CHD1L: variants seen among roughly 807,000 people sequenced by gnomAD.
CHD1L encodes the protein ATP-dependent chromatin remodeler CHD1L.
In CHD1L, 118 loss-of-function variants were observed where a neutral mutation model predicts 115.9. The observed-to-expected ratio is 1.02, with a 90% confidence interval of 0.88 to 1.19. CHD1L has a LOEUF of 1.19. CHD1L is among the 50% of genes most tolerant of loss of function. The pLI is 0.00. For missense variants in CHD1L, 1,179 were observed against 1,065.3 expected, an observed-to-expected ratio of 1.11 and a Z score of -1.49; for synonymous variants, 411 against 387.1, an observed-to-expected ratio of 1.06 and a Z score of -0.72.
In CHD1L at chr1:147,287,605, T is replaced by C. The variant is rs201215036; in HGVS notation, c.2222-30T>C. ...ATTGTGCACTGGACTTCACCTCCTA[T>C]AGATGAAAATTTTCTCTTTCTTCAA... On this transcript the variant is annotated intron_variant, in intron 18 of 22. Transcript: ENST00000369258. 2.2e-5 allele frequency: 34 copies of C among 1,558,154 alleles called. No individual in the cohort carries two copies. In the East Asian group the frequency reaches 7.2e-4, roughly 33 times the overall value.
intron 10 of CHD1L, 80 bp downstream of exon 10, chr1:147,268,958 A>T: frequency 9.4e-7 from 1 of 1,063,974 alleles, no homozygotes; most frequent in Non-Finnish European, 1.3e-6. Flanking sequence ...TGAGTTGTTC[A>T]GGCCAATTCC....
rs1348328085 is a variant in CHD1L at position 147,287,721 on chromosome 1, G to A, written c.2308G>A (p.Gly770Arg). 1 of 1,613,740 alleles carries A rather than the reference G, an allele frequency of 6.2e-7. No homozygotes were observed. Among genetic ancestry groups the A allele is most frequent in the Non-Finnish European group, 8.5e-7 (1 of 1,179,956 alleles). The change falls in exon 19 of 23, where the codon GGG (glycine) becomes AGG (arginine). Residue 770 changes from glycine (G) to arginine (R), a missense_variant. By Grantham distance (125) the Gly-to-Arg change is moderately radical. Transcript: ENST00000369258. Reference sequence around the variant, plus strand: ...GCCAAGAAAAATATATGAGCTGGCTGGGAAAATGAAAGGTAAGAAGCAAAG... The same window carrying A: ...GCCAAGAAAAATATATGAGCTGGCTAGGAAAATGAAAGGTAAGAAGCAAAG... Reference protein sequence around the residue: ...AEPRKIYELAGKMKDLSLGGV... With the variant: ...AEPRKIYELARKMKDLSLGGV...
chr1:147,210,476 G>A, the CHD1L span: 1 of 152,130 alleles, frequency 6.6e-6, no homozygotes, highest in Non-Finnish European at 1.5e-5. Flanking sequence ...TCTACAGAGG[G>A]ATAATTGTTT....
At chr1:147,229,479 C>T in the CHD1L span, among the ~76,000 whole-genome samples, 1 of 152,154 alleles carries the variant, frequency 6.6e-6, no homozygotes, top group Non-Finnish European at 1.5e-5. Context: ...TTAGGATTGA[C>T]TTGGCGATGC....
the CHD1L span, among the ~76,000 whole-genome samples, chr1:147,234,146 C>T: frequency 2.0e-5 from 3 of 152,194 alleles, no homozygotes; most frequent in African/African-American, 7.2e-5. Flanking sequence ...CATGAGCCTG[C>T]TCTTTTGACC....
chr1:147,181,806 A>G, the CHD1L span, among the ~76,000 whole-genome samples: 2 of 152,228 alleles, frequency 1.3e-5, no homozygotes, highest in Non-Finnish European at 2.9e-5. Context: ...ATGTTGGGCC[A>G]TGCATTTTAA....
Position 147,293,689 on chromosome 1 carries a change from A to G in CHD1L, c.2473A>G (p.Lys825Glu). ...GATGGCAGCCCTAGAAGAGGGCCTG[A>G]AGAAGATATTTTTAGCAGCAAAAAA... ...IKMAALEEGLKKIFLAAKKKK... is the reference protein window; with the variant it reads ...IKMAALEEGLEKIFLAAKKKK... Residue 825 changes from lysine (K) to glutamate (E), a missense_variant, in exon 21 of 23, where the codon AAG becomes GAG. Lys to Glu is a moderately conservative substitution (Grantham distance 56). Transcript: ENST00000369258. 2 of 1,613,956 alleles carry G rather than the reference A, an allele frequency of 1.2e-6. No individual in the cohort carries two copies. Among genetic ancestry groups the G allele is most frequent in the Non-Finnish European group, 1.7e-6 (2 of 1,179,894 alleles).
the CHD1L span, among the ~76,000 whole-genome samples, chr1:147,193,984 T>C: frequency 6.6e-6 from 1 of 152,116 alleles, no homozygotes; most frequent in Non-Finnish European, 1.5e-5. Context: ...GTATATTCCG[T>C]TGATTTGGGG....
chr1:147,275,955 T>C (rs1678275247), intron 13 of CHD1L, 149 bp from the exon 14 acceptor site: 1 of 711,462 alleles, frequency 1.4e-6, no homozygotes, highest in South Asian at 2.1e-5. Flanking sequence ...CTCTAACAAG[T>C]GCTCAGGACC....
the CHD1L span, among the ~76,000 whole-genome samples, chr1:147,222,973 C>G: frequency 1.2e-4 from 18 of 152,312 alleles, no homozygotes; most frequent in African/African-American, 4.3e-4. Flanking sequence ...TAATAACCAA[C>G]ATGTAACACT....
In CHD1L at chr1:147,271,585, G is replaced by A. The variant is rs188502401; in HGVS notation, c.1159+580G>A. Reference sequence around the variant, plus strand: ...GCTCCAGACCTTACAATTTAAAAAAGTAGTTCAGACCGGGTGTCTGAGTTC... The same window carrying A: ...GCTCCAGACCTTACAATTTAAAAAAATAGTTCAGACCGGGTGTCTGAGTTC... On this transcript the variant is annotated intron_variant, in intron 11 of 22. Transcript: ENST00000369258. 5.9e-4 allele frequency among the ~76,000 whole-genome samples: 89 copies of A among 152,022 alleles called. 1 individual carries two copies. In the East Asian group the frequency reaches 8.9e-3, roughly 15 times the overall value.
chr1:147,212,238 G>A, the CHD1L span, among the ~76,000 whole-genome samples: 1 of 152,216 alleles, frequency 6.6e-6, no homozygotes, highest in African/African-American at 2.4e-5. Context: ...TCACCATGTT[G>A]CCAACTGAGG....
intron 2 of CHD1L, among the ~76,000 whole-genome samples, 166 bp downstream of exon 2, chr1:147,252,901 C>A (rs1553937487): frequency 6.6e-6 from 1 of 152,242 alleles, no homozygotes; most frequent in African/African-American, 2.4e-5. Context: ...CCTGTACAGT[C>A]TTCTCTGCCT....
chr1:147,288,421 T>C (rs1684257075), intron 19 of CHD1L, among the ~76,000 whole-genome samples: 1 of 148,918 alleles, frequency 6.7e-6, no homozygotes, highest in South Asian at 2.1e-4. Context: ...AAGCCGGGCG[T>C]GGTGGCTCAC....
chr1:147,291,964 C>T (rs782574234), intron 20 of CHD1L, among the ~76,000 whole-genome samples: 13 of 151,732 alleles, frequency 8.6e-5, no homozygotes, highest in Admixed American at 1.3e-4. Context: ...ACATGAGGTA[C>T]GGGGGGTTGG....
chr1:147,203,803 A>G, the CHD1L span: 1 of 1,549,138 alleles, frequency 6.5e-7, no homozygotes, highest in Non-Finnish European at 8.9e-7. Flanking sequence ...TAGAGCCCCG[A>G]AGTACTATGG....
chr1:147,231,989 G>A, the CHD1L span, among the ~76,000 whole-genome samples: 1 of 152,256 alleles, frequency 6.6e-6, no homozygotes. Flanking sequence ...TACCTCAGTT[G>A]GAAATGCAAA....
At chr1:147,231,198 T>C in the CHD1L span, among the ~76,000 whole-genome samples, 1 of 152,222 alleles carries the variant, frequency 6.6e-6, no homozygotes, top group African/African-American at 2.4e-5. Flanking sequence ...GAGATTCTGG[T>C]ACACTGTGTC....
rs782152009 is a variant in CHD1L, at chr1:147,242,750, T to A, written c.47T>A (p.Phe16Tyr). 4 of 1,265,208 alleles carry A rather than the reference T, an allele frequency of 3.2e-6. No homozygotes were observed. The East Asian group carries it at 1.2e-4, about 38-fold the overall frequency. The allele number at this position is 1,265,208 out of a possible 1,614,324, so 78.4% of individuals were successfully genotyped here. The change falls in exon 1 of 23, where the codon TTC becomes TAC. Residue 16 changes from phenylalanine (F) to tyrosine (Y), a missense_variant. Coordinates refer to ENST00000369258, the MANE Select transcript of CHD1L (RefSeq NM_004284.6). ...AGCCGCGGGGGCCAAGCCCCTGGCTTCTTACTGCGGCTTCATACTGAGGGC... is the reference window on the plus strand; with the variant it reads ...AGCCGCGGGGGCCAAGCCCCTGGCTACTTACTGCGGCTTCATACTGAGGGC... ...ATSRGGQAPG[F>Y]LLRLHTEGRA...
Sources: allele counts gnomAD v4.1 joint callset (sites outside exome capture counted in the v4.1 genomes callset), GRCh38; gene constraint gnomAD v4.1.1; transcripts MANE v1.5; gene names NCBI Gene and HGNC (gene_info 2026-07-23, HGNC 2026-07-21).